The following MLLT10 variants were observed in gnomAD, a reference collection of about 807,000 sequenced individuals.
The protein encoded by MLLT10 is MLLT10 histone lysine methyltransferase DOT1L cofactor.
In MLLT10, 30 loss-of-function variants were observed where a neutral mutation model predicts 129.1. The ratio of observed to expected loss-of-function variants is 0.23; its 90% CI spans 0.17 to 0.32. The LOEUF is 0.32. Ranked by LOEUF, MLLT10 falls within the 10% of genes least tolerant of loss-of-function variation. MLLT10 has a pLI of 1.00. For missense variants in MLLT10, 1,119 were observed against 1,268.3 expected (o/e 0.88, Z 1.79); for synonymous variants, 490 against 446.4 (o/e 1.10, Z -1.23).
chr10:21,636,287 A>G (rs1462266041), intron 8 of MLLT10, among the ~76,000 whole-genome samples: 1 of 151,862 alleles, frequency 6.6e-6, no homozygotes, highest in Non-Finnish European at 1.5e-5. Flanking sequence ...CTGCCTGGCT[A>G]AGTTTTTATA....
At chr10:21,560,874 T>C (rs891932318) in intron 3 of MLLT10, among the ~76,000 whole-genome samples, 1 of 152,252 alleles carries the variant, frequency 6.6e-6, no homozygotes, top group Non-Finnish European at 1.5e-5. Context: ...CATTTGTGTG[T>C]ATTCTTTGGA....
intron 8 of MLLT10, among the ~76,000 whole-genome samples, chr10:21,648,228 G>A (rs1316526535): frequency 6.6e-6 from 1 of 152,124 alleles, no homozygotes; most frequent in African/African-American, 2.4e-5. Flanking sequence ...ATTCACATTT[G>A]ATAGGCTGTT....
At chr10:21,609,036 A>T (rs545727418) in intron 5 of MLLT10, among the ~76,000 whole-genome samples, 1 of 152,112 alleles carries the variant, frequency 6.6e-6, no homozygotes, top group South Asian at 2.1e-4. Flanking sequence ...TTGTTTAATC[A>T]CTTTGCCAGA....
intron 5 of MLLT10, among the ~76,000 whole-genome samples, chr10:21,608,121 T>A (rs1394481946): frequency 1.3e-5 from 2 of 151,748 alleles, no homozygotes; most frequent in Non-Finnish European, 2.9e-5. Flanking sequence ...TTATCTTACA[T>A]GTGGCAGGTC....
intron 3 of MLLT10, among the ~76,000 whole-genome samples, chr10:21,564,778 C>T (rs564749554): frequency 2.0e-5 from 3 of 149,878 alleles, no homozygotes; most frequent in African/African-American, 4.9e-5. Context: ...GAGCCGCGAT[C>T]GCACCATTGC....
At chr10:21,637,386 G>C (rs2047562469) in intron 8 of MLLT10, among the ~76,000 whole-genome samples, 1 of 152,180 alleles carries the variant, frequency 6.6e-6, no homozygotes. Flanking sequence ...AAGGTGTTCA[G>C]CCTGTTTTTC....
chr10:21,638,858 C>G (rs189813437), intron 8 of MLLT10, among the ~76,000 whole-genome samples: 2 of 152,138 alleles, frequency 1.3e-5, no homozygotes, highest in African/African-American at 2.4e-5. Flanking sequence ...GAAGTCCTCT[C>G]CACCTAACCA....
chr10:21,583,524 A>G (rs1400651480), intron 3 of MLLT10, among the ~76,000 whole-genome samples: 8 of 152,196 alleles, frequency 5.3e-5, no homozygotes, highest in Admixed American at 5.2e-4. Flanking sequence ...TTATTAATAT[A>G]AAGAAAAGAG....
intron 3 of MLLT10, among the ~76,000 whole-genome samples, chr10:21,559,955 C>T (rs1228545891): frequency 1.3e-5 from 2 of 150,832 alleles, no homozygotes; most frequent in Middle Eastern, 3.2e-3. Flanking sequence ...TTTTTTGGGT[C>T]GGGTGGGTGT....
chr10:21,704,025 T>TTTG (rs2055205847), intron 13 of MLLT10, among the ~76,000 whole-genome samples: 2 of 136,006 alleles, frequency 1.5e-5, no homozygotes, highest in Non-Finnish European at 3.2e-5. Context: ...TGTTTTTTTT[T>TTTG]TTTTTTTTTT....
At chr10:21,634,572 A>C (rs2047288978) in intron 8 of MLLT10, among the ~76,000 whole-genome samples, 1 of 152,232 alleles carries the variant, frequency 6.6e-6, no homozygotes, top group South Asian at 2.1e-4. Context: ...ATAGTCTTTC[A>C]TGCAGTGTGT....
chr10:21,569,617 C>T (rs1046859113), intron 3 of MLLT10, among the ~76,000 whole-genome samples: 2 of 151,972 alleles, frequency 1.3e-5, no homozygotes, highest in Non-Finnish European at 2.9e-5. Flanking sequence ...GACAGGGTTT[C>T]ACCATGTTGG....
At chr10:21,727,835 T>A in intron 15 of MLLT10, 21 bp from the exon 16 acceptor site, 1 of 1,603,980 alleles carries the variant, frequency 6.2e-7, no homozygotes, top group African/African-American at 1.3e-5. Context: ...CTTTATCAGC[T>A]CTGAAATATT....
chr10:21,582,477 T>C (rs1401626053), intron 3 of MLLT10, among the ~76,000 whole-genome samples: 1 of 152,154 alleles, frequency 6.6e-6, no homozygotes, highest in East Asian at 1.9e-4. Context: ...AAATTAAACT[T>C]TTTATAGGTA....
chr10:21,579,048 G>T (rs1261093090), intron 3 of MLLT10, among the ~76,000 whole-genome samples: 1 of 152,056 alleles, frequency 6.6e-6, no homozygotes, highest in Non-Finnish European at 1.5e-5. Flanking sequence ...CATATCTTTT[G>T]GTGATAAATT....
intron 8 of MLLT10, among the ~76,000 whole-genome samples, chr10:21,622,710 G>C (rs1394946922): frequency 6.6e-6 from 1 of 152,294 alleles, no homozygotes. Context: ...GGCAACAAAC[G>C]TGTGGGTTAT....
upstream of MLLT10, among the ~76,000 whole-genome samples, chr10:21,533,920 G>T (rs1003595010): frequency 2.6e-5 from 4 of 152,058 alleles, no homozygotes. Context: ...CCCAGCCCTG[G>T]GCGTCCACCT....
chr10:21,588,000 A>G (rs1398853310), intron 4 of MLLT10, among the ~76,000 whole-genome samples: 2 of 151,740 alleles, frequency 1.3e-5, no homozygotes, highest in Admixed American at 1.3e-4. Context: ...AATATTATAT[A>G]CTCTTCTGCC....
chr10:21,534,711 GGAGGCTGTTGCGTTTGCTCAGACGAGA>G lies in MLLT10; in HGVS notation c.75_101del (p.Cys25_Gly33del), dbSNP rs781693727. ...CTCCCATAGTATGAAGGAGATGATTGGAGGCTGTTGCGTTTGCTCAGACGAGAGAGGCTGGGCCGAGAACCCGCTGGT... is the reference window on the plus strand; with the variant it reads ...CTCCCATAGTATGAAGGAGATGATTGGAGGCTGGGCCGAGAACCCGCTGGT... On this transcript the variant is annotated inframe_deletion, in exon 2 of 23. Coordinates refer to ENST00000307729, the MANE Select transcript of MLLT10 (RefSeq NM_001195626.3). 1 of 1,613,472 alleles carries G rather than the reference GGAGGCTGTTGCGTTTGCTCAGACGAGA, an allele frequency of 6.2e-7. No homozygotes were observed. The highest frequency in any genetic ancestry group is 8.5e-7 in the Non-Finnish European group (1 of 1,179,580).
Sources: gnomAD v4.1 joint callset for allele counts (sites outside exome capture counted in the v4.1 genomes callset) on GRCh38, gnomAD v4.1.1 for gene constraint, MANE v1.5 for transcripts, NCBI Gene and HGNC (gene_info 2026-07-23, HGNC 2026-07-21) for gene names.